The following MACROD2 variants were observed in gnomAD, a reference collection of about 807,000 sequenced individuals.
MACROD2 encodes mono-ADP ribosylhydrolase 2, also known as ADP-ribose glycohydrolase MACROD2.
Under a neutral mutation model 70.4 loss-of-function variants are expected in MACROD2, and 36 were observed. The observed-to-expected ratio is 0.51, with a 90% confidence interval of 0.39 to 0.68. The LOEUF (loss-of-function observed/expected upper bound fraction) is 0.68, where lower values mean the gene tolerates loss of function less well. MACROD2 is among the 30% of genes least tolerant of loss of function. The pLI, the probability that MACROD2 is intolerant of heterozygous loss-of-function variation, is 0.00. For missense variants in MACROD2, 496 were observed against 538.4 expected (o/e 0.92, Z 0.78); for synonymous variants, 172 against 178.8 (o/e 0.96, Z 0.30).
At chr20:14,528,646 C>CT (rs1255945485) in intron 4 of MACROD2, among the ~76,000 whole-genome samples, 1 of 151,900 alleles carries the variant, frequency 6.6e-6, no homozygotes, top group East Asian at 1.9e-4. Flanking sequence ...CTTGAGATGT[C>CT]TTTTTTTCTT....
At chr20:15,649,635 T>A (rs2049613955) in intron 8 of MACROD2, among the ~76,000 whole-genome samples, 1 of 152,200 alleles carries the variant, frequency 6.6e-6, no homozygotes, top group South Asian at 2.1e-4. Context: ...TATGTGGCAA[T>A]TAGTTTAGGC....
intron 8 of MACROD2, among the ~76,000 whole-genome samples, chr20:15,850,269 C>G (rs1294675323): frequency 6.6e-6 from 1 of 152,112 alleles, no homozygotes; most frequent in Non-Finnish European, 1.5e-5. Context: ...ATCTCTCCCC[C>G]AAGGGTGATC....
chr20:14,726,080 G>C (rs556015289), intron 5 of MACROD2, among the ~76,000 whole-genome samples: 57 of 152,198 alleles, frequency 3.7e-4, no homozygotes, highest in African/African-American at 1.3e-3. Context: ...AAACAAGAGA[G>C]AATTCAAAAT....
At chr20:15,143,467 G>A (rs182307356) in intron 5 of MACROD2, among the ~76,000 whole-genome samples, 14 of 152,266 alleles carry the variant, frequency 9.2e-5, no homozygotes, top group African/African-American at 3.4e-4. Context: ...TAGGTTGCCT[G>A]TTCACTCTGA....
intron 3 of MACROD2, among the ~76,000 whole-genome samples, chr20:14,289,834 C>A (rs924584788): frequency 6.6e-6 from 1 of 152,144 alleles, no homozygotes; most frequent in Non-Finnish European, 1.5e-5. Context: ...TGCCACCATG[C>A]CTGACTCTGC....
At chr20:14,800,160 T>G (rs932807554) in intron 5 of MACROD2, among the ~76,000 whole-genome samples, 5 of 151,802 alleles carry the variant, frequency 3.3e-5, no homozygotes, top group Admixed American at 6.6e-5. Context: ...TTTTTTTTTT[T>G]CCTGCTCCAT....
At chr20:14,528,128 A>G (rs1248047106) in intron 4 of MACROD2, among the ~76,000 whole-genome samples, 1 of 132,542 alleles carries the variant, frequency 7.5e-6, no homozygotes, top group South Asian at 2.5e-4. Context: ...TTTTTTTTTG[A>G]GATGGAGTTT....
At chr20:15,509,030 G>C in intron 8 of MACROD2, among the ~76,000 whole-genome samples, 1 of 152,090 alleles carries the variant, frequency 6.6e-6, no homozygotes, top group East Asian at 1.9e-4. Flanking sequence ...ATCATTTGGA[G>C]GGTTATTTTT....
At chr20:15,996,012 A>G (rs2066626784) in intron 15 of MACROD2, among the ~76,000 whole-genome samples, 1 of 152,034 alleles carries the variant, frequency 6.6e-6, no homozygotes, top group African/African-American at 2.4e-5. Flanking sequence ...CTTCCTTCAG[A>G]TATGTAACCA....
intron 8 of MACROD2, among the ~76,000 whole-genome samples, chr20:15,847,985 C>A (rs1055124726): frequency 1.3e-5 from 2 of 152,140 alleles, no homozygotes; most frequent in African/African-American, 2.4e-5. Context: ...CACATAGGAA[C>A]CAACATACCT....
chr20:15,338,269 A>G (rs2078070474), intron 6 of MACROD2, among the ~76,000 whole-genome samples: 1 of 151,320 alleles, frequency 6.6e-6, no homozygotes, highest in Non-Finnish European at 1.5e-5. Context: ...CTTATTTTTT[A>G]TTCATCCAAA....
At chr20:15,975,300 G>T (rs1182146797) in intron 13 of MACROD2, among the ~76,000 whole-genome samples, 1 of 152,050 alleles carries the variant, frequency 6.6e-6, no homozygotes, top group Non-Finnish European at 1.5e-5. Context: ...GAGACTGAAA[G>T]GCATAACCTC....
At chr20:15,743,154 T>A (rs55792717) in intron 8 of MACROD2, among the ~76,000 whole-genome samples, 5,356 of 152,218 alleles carry the variant, frequency 0.035, 113 homozygotes, top group South Asian at 0.082. Flanking sequence ...GCTGGCTGAG[T>A]TATTAGGCCT....
chr20:14,436,591 C>T (rs1200255457), intron 3 of MACROD2, among the ~76,000 whole-genome samples: 3 of 152,102 alleles, frequency 2.0e-5, no homozygotes, highest in South Asian at 2.1e-4. Flanking sequence ...TAGGAGAGGC[C>T]GTATCATTTC....
At chr20:14,786,546 T>C (rs1250508679) in intron 5 of MACROD2, among the ~76,000 whole-genome samples, 1 of 151,482 alleles carries the variant, frequency 6.6e-6, no homozygotes, top group African/African-American at 2.4e-5. Flanking sequence ...CTCTAAGGGA[T>C]TCGTTATCAG....
intron 3 of MACROD2, among the ~76,000 whole-genome samples, chr20:14,283,722 A>G (rs1166078092): frequency 6.6e-6 from 1 of 151,976 alleles, no homozygotes; most frequent in Non-Finnish European, 1.5e-5. Flanking sequence ...CTGCTCTCAA[A>G]CTCCTGACCT....
chr20:14,798,475 A>G (rs2072537175), intron 5 of MACROD2, among the ~76,000 whole-genome samples: 1 of 152,052 alleles, frequency 6.6e-6, no homozygotes, highest in South Asian at 2.1e-4. Flanking sequence ...TGTGTGTAAC[A>G]TGGTATGATT....
intron 3 of MACROD2, among the ~76,000 whole-genome samples, chr20:14,091,782 A>G (rs1180173248): frequency 5.9e-5 from 9 of 151,998 alleles, no homozygotes; most frequent in Non-Finnish European, 1.5e-5. Context: ...ATTCCTTTTT[A>G]TTGTTGAGTA....
chr20:15,049,268 A>G (rs1292597409), intron 5 of MACROD2, among the ~76,000 whole-genome samples: 1 of 151,926 alleles, frequency 6.6e-6, no homozygotes, highest in Non-Finnish European at 1.5e-5. Flanking sequence ...GCAAGGAGAG[A>G]GAAGGGTAGG....
Sources: gnomAD v4.1 joint callset for allele counts (sites outside exome capture counted in the v4.1 genomes callset) on GRCh38, gnomAD v4.1.1 for gene constraint, MANE v1.5 for transcripts, NCBI Gene and HGNC (gene_info 2026-07-23, HGNC 2026-07-21) for gene names.